Variants in TAF4 observed in about 807,000 individuals in gnomAD.
The protein encoded by TAF4 is transcription initiation factor TFIID subunit 4.
TAF4 carries 9 observed loss-of-function variants against 90.3 expected under a neutral mutation model. The observed-to-expected ratio is 0.10, with a 90% confidence interval of 0.06 to 0.17. The LOEUF (loss-of-function observed/expected upper bound fraction) is 0.17, where lower values mean the gene tolerates loss of function less well. Among genes scored for constraint, TAF4 ranks in the 10% least tolerant of loss-of-function variants. TAF4 has a pLI of 1.00. For missense variants in TAF4, 1,351 were observed against 1,370.7 expected, an observed-to-expected ratio of 0.99 and a Z score of 0.23; for synonymous variants, 818 against 638.9, an observed-to-expected ratio of 1.28 and a Z score of -4.23.
chr20:62,056,536 C>T (rs1267984043), intron 1 of TAF4, among the ~76,000 whole-genome samples: 1 of 152,168 alleles, frequency 6.6e-6, no homozygotes, highest in Admixed American at 6.5e-5. Context: ...TTGTCGCCAT[C>T]AGCACAGCAC....
intron 1 of TAF4, among the ~76,000 whole-genome samples, chr20:62,020,014 T>C (rs938279488): frequency 1.3e-5 from 2 of 152,022 alleles, no homozygotes; most frequent in African/African-American, 4.8e-5. Flanking sequence ...CCCGGCTACC[T>C]CTTGGCCCTG....
intron 13 of TAF4, 83 bp from the exon 14 acceptor site, chr20:61,997,752 G>T: frequency 6.9e-7 from 1 of 1,439,146 alleles, no homozygotes; most frequent in East Asian, 2.5e-5. Context: ...GATATGAAAG[G>T]GTTTTCTGTA....
intron 8 of TAF4, among the ~76,000 whole-genome samples, 178 bp from the exon 9 acceptor site, chr20:62,003,452 C>T (rs1047908252): frequency 6.6e-6 from 1 of 152,150 alleles, no homozygotes; most frequent in Admixed American, 6.6e-5. Context: ...CTGTACCTCT[C>T]GAGCATTTAT....
intron 14 of TAF4, chr20:61,980,451 G>T (rs73915513): frequency 0.062 from 9,475 of 152,280 alleles, 740 homozygotes; most frequent in African/African-American, 0.19. Flanking sequence ...GCCCCGGGCG[G>T]CGGGTAACAA....
intron 1 of TAF4, among the ~76,000 whole-genome samples, chr20:62,032,699 G>T (rs944262001): frequency 2.0e-5 from 3 of 152,226 alleles, no homozygotes; most frequent in Non-Finnish European, 2.9e-5. Context: ...ATGACTTACA[G>T]CAAAACGTCA....
At chr20:62,033,949 G>A (rs980252589) in intron 1 of TAF4, among the ~76,000 whole-genome samples, 15 of 150,848 alleles carry the variant, frequency 9.9e-5, no homozygotes, top group African/African-American at 3.2e-4. Context: ...GGCTGAGGCA[G>A]GAGAATGGCG....
Position 62,006,792 on chromosome 20 carries a change from G to A in TAF4, c.1975-34C>T, listed in dbSNP as rs771009191. On this transcript the variant is annotated intron_variant, in intron 6 of 14. Coordinates refer to ENST00000252996, the MANE Select transcript of TAF4 (RefSeq NM_003185.4). The surrounding 1 kb of genome is among the most constrained non-coding windows in gnomAD (Gnocchi z 7.0). ...AAAGACAGACACGAGGGGTCAGGCG[G>A]CTGCTCATGCGTCGGTTTTCCTTGC... 42 of 1,439,292 alleles carry A rather than the reference G, an allele frequency of 2.9e-5. No homozygotes were observed. The highest frequency in any genetic ancestry group is 3.7e-5 in the Non-Finnish European group (40 of 1,086,500). The allele number at this position is 1,439,292 out of a possible 1,614,324, so 89.2% of individuals were successfully genotyped here. A position where few individuals can be genotyped will look rare whatever the true frequency, so the allele number is the denominator to read the frequency against.
At chr20:62,030,749 T>C (rs765924048) in intron 1 of TAF4, among the ~76,000 whole-genome samples, 2 of 152,218 alleles carry the variant, frequency 1.3e-5, no homozygotes, top group African/African-American at 2.4e-5. Context: ...AATTGTCTTA[T>C]CTACTTTTTA....
intron 1 of TAF4, among the ~76,000 whole-genome samples, chr20:62,024,154 C>A (rs1243262150): frequency 6.6e-6 from 1 of 152,178 alleles, no homozygotes; most frequent in Non-Finnish European, 1.5e-5. Context: ...GCAGAGTCCA[C>A]AAGCAGGCCC....
intron 14 of TAF4, among the ~76,000 whole-genome samples, chr20:61,995,258 A>T (rs968689907): frequency 1.3e-5 from 2 of 152,238 alleles, no homozygotes; most frequent in Non-Finnish European, 2.9e-5. Context: ...GTTGAACTTG[A>T]CAAAAACCTT....
At chr20:61,989,284 C>T (rs1435166560) in intron 14 of TAF4, among the ~76,000 whole-genome samples, 1 of 131,418 alleles carries the variant, frequency 7.6e-6, no homozygotes, top group Admixed American at 7.8e-5. Context: ...CCTCTCAACA[C>T]CAGACTCTAC....
Position 61,976,013 on chromosome 20 carries a change from G to A in TAF4, c.*155C>T, listed in dbSNP as rs116249897. ...TTTGTGTTCTCTCTGTTACAGAAACGTGTTTTCTTTCACACTGAAGAGCTG... is the reference window on the plus strand; with the variant it reads ...TTTGTGTTCTCTCTGTTACAGAAACATGTTTTCTTTCACACTGAAGAGCTG... On this transcript the variant is annotated 3_prime_UTR_variant, in exon 15 of 15. Coordinates refer to ENST00000252996, the MANE Select transcript of TAF4 (RefSeq NM_003185.4). 497 of 745,974 alleles carry A rather than the reference G, an allele frequency of 6.7e-4. 2 individuals carry two copies. The African/African-American group carries it at 6.8e-3, about 10-fold the overall frequency. 46.2% of individuals were successfully genotyped at this position (745,974 alleles called of 1,614,324 possible). A position where few individuals can be genotyped will look rare whatever the true frequency, so the allele number is the denominator to read the frequency against.
chr20:62,065,425 G>A lies in TAF4; in HGVS notation c.386C>T (p.Pro129Leu), dbSNP rs1331749127. 28 of 975,786 alleles carry A rather than the reference G, an allele frequency of 2.9e-5. No homozygotes were observed. The highest frequency in any genetic ancestry group is 3.4e-5 in the Non-Finnish European group (28 of 824,910). The allele number at this position is 975,786 out of a possible 1,614,324, so 60.4% of individuals were successfully genotyped here. The change falls in exon 1 of 15, where the codon CCG becomes CTG. Residue 129 changes from proline (P) to leucine (L), a missense_variant. Transcript: ENST00000252996. ...GCAGGACCCCGCGCTGCCCTCGGGC[G>A]GCGGCCTCAGCTTCGCGGCGGGCGG... ...PAPPAAKLRP[P>L]PEGSAGSCAP...
rs183175291 is a variant in TAF4, at chr20:61,975,891, C to T, written c.*277G>A. The stretch of plus-strand genomic sequence containing the variant: ...CAGAGGGCAGCTAATTATTTGCTAA[C>T]GATTCCATCAGTCTTTATATATGGC... On this transcript the variant is annotated 3_prime_UTR_variant, in exon 15 of 15. Coordinates refer to ENST00000252996, the MANE Select transcript of TAF4 (RefSeq NM_003185.4). 2.4e-6 allele frequency: 1 copy of T among 409,986 alleles called. No individual in the cohort carries two copies. Among genetic ancestry groups the T allele is most frequent in the African/African-American group, 2.0e-5 (1 of 50,776 alleles). 25.4% of individuals were successfully genotyped at this position (409,986 alleles called of 1,614,324 possible).
intron 5 of TAF4, among the ~76,000 whole-genome samples, chr20:62,008,398 G>A (rs1481499860): frequency 6.6e-6 from 1 of 152,218 alleles, no homozygotes; most frequent in Non-Finnish European, 1.5e-5. Context: ...ATGAGGCTGA[G>A]GAAGGTGGAC....
chr20:61,981,271 A>G (rs572541257), intron 14 of TAF4: 1 of 152,186 alleles, frequency 6.6e-6, no homozygotes, highest in East Asian at 1.9e-4. Flanking sequence ...AAAGTCAGAG[A>G]AGAGTCAAAA....
At chr20:62,057,042 G>A (rs1033828047) in intron 1 of TAF4, among the ~76,000 whole-genome samples, 4 of 152,174 alleles carry the variant, frequency 2.6e-5, no homozygotes, top group Non-Finnish European at 4.4e-5. Flanking sequence ...CGGAGACCAC[G>A]CTCCTCCGCA....
intron 1 of TAF4, among the ~76,000 whole-genome samples, chr20:62,052,806 C>T (rs2056037399): frequency 6.8e-6 from 1 of 146,110 alleles, no homozygotes; most frequent in Admixed American, 6.8e-5. Context: ...CACACCACCC[C>T]ACCCCCACAG....
chr20:62,008,546 G>A (rs2055760513), intron 5 of TAF4, among the ~76,000 whole-genome samples: 1 of 151,884 alleles, frequency 6.6e-6, no homozygotes, highest in Non-Finnish European at 1.5e-5. Context: ...GTTTCGGGAG[G>A]GGTGGGGGTG....
Sources: gnomAD v4.1 joint callset for allele counts (sites outside exome capture counted in the v4.1 genomes callset) on GRCh38, gnomAD v4.1.1 for gene constraint, Gnocchi (gnomAD v3.1) non-coding constraint, MANE v1.5 for transcripts, NCBI Gene and HGNC (gene_info 2026-07-23, HGNC 2026-07-21) for gene names.